CIMIP6: variants seen among roughly 807,000 people sequenced by gnomAD.
The protein encoded by CIMIP6 is uncharacterized protein C2orf73.
chr2:54,332,858 G>A, the CIMIP6 span, among the ~76,000 whole-genome samples: 1 of 152,134 alleles, frequency 6.6e-6, no homozygotes, highest in Admixed American at 6.5e-5. Context: ...ATAAATAATT[G>A]TATCTCTGGA....
the CIMIP6 span, among the ~76,000 whole-genome samples, chr2:54,339,215 T>C: frequency 2.7e-5 from 2 of 74,088 alleles, 1 homozygote; most frequent in Non-Finnish European, 7.0e-5. Context: ...TTAAAGGAGA[T>C]TATACTAGGT....
At chr2:54,359,020 T>A in the CIMIP6 span, 33 of 1,557,910 alleles carry the variant, frequency 2.1e-5, no homozygotes, top group Non-Finnish European at 2.8e-5. Flanking sequence ...AATACATCTC[T>A]TTTATACATC....
At chr2:54,349,514 T>A in the CIMIP6 span, among the ~76,000 whole-genome samples, 21 of 152,232 alleles carry the variant, frequency 1.4e-4, no homozygotes, top group Non-Finnish European at 2.5e-4. Flanking sequence ...AGATCAAGTT[T>A]CCAAGAAACA....
At chr2:54,333,973 G>T in the CIMIP6 span, among the ~76,000 whole-genome samples, 1,961 of 152,248 alleles carry the variant, frequency 0.013, 28 homozygotes, top group Non-Finnish European at 0.017. Flanking sequence ...ATACTTTAAG[G>T]GCTGTGTATA....
At chr2:54,369,071 CA>C in the CIMIP6 span, among the ~76,000 whole-genome samples, 1 of 152,096 alleles carries the variant, frequency 6.6e-6, no homozygotes, top group Non-Finnish European at 1.5e-5. Flanking sequence ...ATCGTATGCA[CA>C]AAGCATACCA....
chr2:54,354,493 T>G, the CIMIP6 span, among the ~76,000 whole-genome samples: 2 of 152,136 alleles, frequency 1.3e-5, no homozygotes, highest in South Asian at 4.1e-4. Flanking sequence ...AGTTCTACTT[T>G]TAGGTCTTTA....
chr2:54,373,808 C>T, the CIMIP6 span, among the ~76,000 whole-genome samples: 1 of 152,260 alleles, frequency 6.6e-6, no homozygotes, highest in South Asian at 2.1e-4. Flanking sequence ...TAGGGCTTTG[C>T]CTGCTTCTGT....
chr2:54,335,087 A>T, the CIMIP6 span: 1 of 1,335,392 alleles, frequency 7.5e-7, no homozygotes, highest in African/African-American at 1.5e-5. Flanking sequence ...TTGCAGAATA[A>T]TTTGGTCACA....
the CIMIP6 span, among the ~76,000 whole-genome samples, chr2:54,355,798 C>A: frequency 1.3e-5 from 2 of 152,062 alleles, no homozygotes. Flanking sequence ...TTCGTATTAA[C>A]AATACTTTGT....
At chr2:54,358,875 C>A in the CIMIP6 span, 1 of 574,154 alleles carries the variant, frequency 1.7e-6, no homozygotes, top group Non-Finnish European at 3.0e-6. Flanking sequence ...AGTTTTGTTA[C>A]CATATTTTAT....
chr2:54,378,665 G>A, the CIMIP6 span, among the ~76,000 whole-genome samples: 16 of 152,110 alleles, frequency 1.1e-4, no homozygotes, highest in Non-Finnish European at 1.9e-4. Flanking sequence ...AATAACTAAA[G>A]CATATATAAC....
the CIMIP6 span, among the ~76,000 whole-genome samples, chr2:54,372,146 G>C: frequency 6.6e-6 from 1 of 152,122 alleles, no homozygotes; most frequent in Admixed American, 6.6e-5. Flanking sequence ...AAGAATGTGG[G>C]GTGGAGCAGA....
the CIMIP6 span, among the ~76,000 whole-genome samples, chr2:54,333,151 T>A: frequency 6.6e-6 from 1 of 152,222 alleles, no homozygotes; most frequent in Non-Finnish European, 1.5e-5. Context: ...TTCAACAATG[T>A]ACACCTTCAT....
At chr2:54,354,781 T>C in the CIMIP6 span, among the ~76,000 whole-genome samples, 1 of 152,046 alleles carries the variant, frequency 6.6e-6, no homozygotes, top group Non-Finnish European at 1.5e-5. Context: ...ACTTTTTTTT[T>C]CCTCCTTTGT....
the CIMIP6 span, among the ~76,000 whole-genome samples, chr2:54,345,533 C>T: frequency 6.6e-6 from 1 of 152,164 alleles, no homozygotes; most frequent in African/African-American, 2.4e-5. Flanking sequence ...TTTTCAAGTG[C>T]CTTTAACTCA....
At chr2:54,349,944 G>C in the CIMIP6 span, among the ~76,000 whole-genome samples, 1 of 151,830 alleles carries the variant, frequency 6.6e-6, no homozygotes, top group Non-Finnish European at 1.5e-5. Flanking sequence ...CTGTCTCCCG[G>C]GCTCAAGAGA....
the CIMIP6 span, among the ~76,000 whole-genome samples, chr2:54,362,847 C>T: frequency 2.0e-5 from 3 of 152,180 alleles, no homozygotes; most frequent in Admixed American, 6.5e-5. Context: ...GTGCATGGCT[C>T]TCATTATCTT....
At chr2:54,360,063 T>A in the CIMIP6 span, 1 of 1,001,284 alleles carries the variant, frequency 1.0e-6, no homozygotes, top group South Asian at 2.2e-5. Flanking sequence ...AGTTTGGGAC[T>A]GAGGTGACAC....
At chr2:54,377,120 C>T in the CIMIP6 span, among the ~76,000 whole-genome samples, 11 of 152,292 alleles carry the variant, frequency 7.2e-5, no homozygotes, top group Non-Finnish European at 1.3e-4. Flanking sequence ...TGTTTATTCC[C>T]TTACAAAGGG....
Sources: allele counts gnomAD v4.1 joint callset (sites outside exome capture counted in the v4.1 genomes callset), GRCh38; gene constraint gnomAD v4.1.1; transcripts MANE v1.5; gene names NCBI Gene and HGNC (gene_info 2026-07-23, HGNC 2026-07-21).